SGCD: variants seen among roughly 807,000 people sequenced by gnomAD.
SGCD encodes delta-sarcoglycan.
In SGCD, 18 loss-of-function variants were observed where a neutral mutation model predicts 36.6. The ratio of observed to expected loss-of-function variants is 0.49; its 90% CI spans 0.34 to 0.73. SGCD has a LOEUF of 0.73. Among genes scored for constraint, SGCD ranks in the 30% least tolerant of loss-of-function variants. The pLI, the probability that SGCD is intolerant of heterozygous loss-of-function variation, is 0.01. For missense variants in SGCD, 387 were observed against 346.7 expected (o/e 1.12, Z -0.92); for synonymous variants, 133 against 130.6 (o/e 1.02, Z -0.12).
In SGCD at chr5:155,993,542, G is replaced by A. The variant is rs371478094; in HGVS notation, c.-282+123118G>A. The stretch of plus-strand genomic sequence containing the variant: ...GTATTTTTAGTAGAGATGGAGTTTC[G>A]CTACATTGGCCAGACTGGTCTCGAA... On this transcript the variant is annotated intron_variant, in intron 1 of 9. Coordinates refer to the SGCD transcript ENST00000517913. Among the ~76,000 whole-genome samples the A allele has an allele frequency of 1.5e-3, 232 of 151,842 alleles. 3 individuals carry two copies. Among genetic ancestry groups the A allele is most frequent in the African/African-American group, 5.2e-3 (217 of 41,426 alleles).
chr5:156,269,185 C>T (rs1448126806), intron 3 of SGCD, among the ~76,000 whole-genome samples: 2 of 151,864 alleles, frequency 1.3e-5, no homozygotes, highest in Admixed American at 6.6e-5. Context: ...CATCAGATCT[C>T]TACTGGGCGC....
chr5:156,103,647 G>T (rs1350354418), intron 1 of SGCD, among the ~76,000 whole-genome samples: 2 of 152,026 alleles, frequency 1.3e-5, no homozygotes, highest in Non-Finnish European at 2.9e-5. Flanking sequence ...TCAGCCCCCA[G>T]CACCCAGCCA....
intron 6 of SGCD, among the ~76,000 whole-genome samples, chr5:156,601,436 T>G (rs987666078): frequency 8.5e-5 from 13 of 152,220 alleles, no homozygotes; most frequent in Admixed American, 8.5e-4. Flanking sequence ...GAAAAGGCAA[T>G]TGGCTGTAGG....
intron 1 of SGCD, among the ~76,000 whole-genome samples, chr5:155,929,672 T>C (rs1423484160): frequency 6.6e-6 from 1 of 152,222 alleles, no homozygotes; most frequent in African/African-American, 2.4e-5. Flanking sequence ...TTCCAGGATG[T>C]AGTCCTGACT....
the SGCD span, among the ~76,000 whole-genome samples, chr5:155,782,758 C>G: frequency 6.6e-6 from 1 of 152,144 alleles, no homozygotes; most frequent in Non-Finnish European, 1.5e-5. Context: ...AGCATGAACC[C>G]TATTGTGAAC....
rs533787647 is a variant in SGCD at position 156,272,350 on chromosome 5, C to T, written c.-43-57184C>T. Among the ~76,000 whole-genome samples, 13 of 152,290 alleles carry T rather than the reference C, an allele frequency of 8.5e-5. No homozygotes were observed. In the East Asian group the frequency reaches 1.2e-3, roughly 14 times the overall value. On this transcript the variant is annotated intron_variant, in intron 3 of 9. Coordinates refer to the SGCD transcript ENST00000517913. ...ATTCAAGTTACTGCAAAAGACATTA[C>T]GTCATTCCTTTCTATGGCAGAGAAA...
intron 4 of SGCD, among the ~76,000 whole-genome samples, chr5:156,519,955 G>A (rs555252960): frequency 2.0e-4 from 31 of 152,256 alleles, no homozygotes; most frequent in African/African-American, 7.0e-4. Context: ...AAAACTGGCA[G>A]AGGACAAGGA....
intron 1 of SGCD, among the ~76,000 whole-genome samples, chr5:155,916,395 A>C (rs1168944292): frequency 2.6e-5 from 4 of 152,094 alleles, no homozygotes; most frequent in Non-Finnish European, 5.9e-5. Flanking sequence ...ATGAACTATT[A>C]TTTTTTTAAA....
intron 3 of SGCD, among the ~76,000 whole-genome samples, chr5:156,145,465 T>C (rs1290683843): frequency 6.6e-6 from 1 of 152,168 alleles, no homozygotes; most frequent in South Asian, 2.1e-4. Flanking sequence ...AAAACCAAAC[T>C]CAAAGTGAGG....
intron 6 of SGCD, among the ~76,000 whole-genome samples, chr5:156,599,189 G>C (rs1322176381): frequency 2.6e-5 from 4 of 152,110 alleles, no homozygotes; most frequent in Non-Finnish European, 5.9e-5. Flanking sequence ...TTCATTTTCA[G>C]CATAATGAGA....
chr5:156,295,704 T>G (rs1766875162), intron 3 of SGCD, among the ~76,000 whole-genome samples: 1 of 152,200 alleles, frequency 6.6e-6, no homozygotes, highest in Admixed American at 6.5e-5. Context: ...AACGCATAAA[T>G]GTTTGACCAT....
chr5:156,254,833 C>T (rs1045307363), intron 3 of SGCD, among the ~76,000 whole-genome samples: 1 of 152,172 alleles, frequency 6.6e-6, no homozygotes, highest in Non-Finnish European at 1.5e-5. Context: ...GACGACACAG[C>T]AAGACCCTGC....
chr5:156,717,174 C>G (rs995048028), intron 7 of SGCD, among the ~76,000 whole-genome samples: 2 of 152,178 alleles, frequency 1.3e-5, no homozygotes, highest in African/African-American at 4.8e-5. Context: ...GCTGTGCTGG[C>G]TTTAACTGGG....
intron 1 of SGCD, among the ~76,000 whole-genome samples, chr5:155,963,084 A>G (rs1757823977): frequency 6.6e-6 from 1 of 152,146 alleles, no homozygotes; most frequent in African/African-American, 2.4e-5. Flanking sequence ...CAATGCTAAT[A>G]TTCAGGGACA....
At chr5:156,367,254 G>A (rs1471668800) in intron 3 of SGCD, among the ~76,000 whole-genome samples, 1 of 152,248 alleles carries the variant, frequency 6.6e-6, no homozygotes, top group Non-Finnish European at 1.5e-5. Context: ...GGGGTAGAAA[G>A]AGGATGCAGG....
At chr5:156,581,026 C>T (rs1341122706) in intron 4 of SGCD, among the ~76,000 whole-genome samples, 1 of 152,162 alleles carries the variant, frequency 6.6e-6, no homozygotes, top group African/African-American at 2.4e-5. Context: ...GGTTTCTCCT[C>T]ATCTTTGTGG....
chr5:155,927,557 C>G (rs1757015917), intron 1 of SGCD, among the ~76,000 whole-genome samples: 1 of 152,104 alleles, frequency 6.6e-6, no homozygotes, highest in South Asian at 2.1e-4. Flanking sequence ...GGGGGCAGTT[C>G]TATGATTAGG....
At chr5:155,995,642 G>A (rs1758525516) in intron 1 of SGCD, among the ~76,000 whole-genome samples, 2 of 152,146 alleles carry the variant, frequency 1.3e-5, no homozygotes, top group African/African-American at 4.8e-5. Context: ...TAGGAAAATG[G>A]ATAAACAAGT....
chr5:155,807,507 A>G, the SGCD span, among the ~76,000 whole-genome samples: 1 of 152,264 alleles, frequency 6.6e-6, no homozygotes. Context: ...TAAAAATTAA[A>G]ACAAACCCAA....
Sources: gnomAD v4.1 joint callset for allele counts (sites outside exome capture counted in the v4.1 genomes callset) on GRCh38, gnomAD v4.1.1 for gene constraint, MANE v1.5 for transcripts, NCBI Gene and HGNC (gene_info 2026-07-23, HGNC 2026-07-21) for gene names.